WDR38: variants seen among roughly 807,000 people sequenced by gnomAD.
WDR38 encodes WD repeat domain 38.
In WDR38, 37 loss-of-function variants were observed where a neutral mutation model predicts 36.6. That is an observed-to-expected ratio of 1.01 (90% confidence interval 0.78 to 1.33). WDR38 has a LOEUF of 1.33. Among genes scored for constraint, WDR38 ranks in the 40% most tolerant of loss-of-function variants. The probability of loss-of-function intolerance (pLI) is 0.00; values close to 1 mark genes in which losing one functional copy is unlikely to be tolerated. For synonymous variants in WDR38, 164 were observed against 168.1 expected (o/e 0.98, Z 0.19); for missense variants, 411 against 414.6 (o/e 0.99, Z 0.07).
chr9:124,855,289 A>G (rs568355453), intron 2 of WDR38, among the ~76,000 whole-genome samples: 12 of 152,358 alleles, frequency 7.9e-5, no homozygotes, highest in African/African-American at 2.6e-4. Context: ...GAGACAAGAA[A>G]AAATATCAGG....
At chr9:124,856,181 G>A in intron 4 of WDR38, 59 bp from the exon 5 acceptor site, 1 of 1,608,444 alleles carries the variant, frequency 6.2e-7, no homozygotes, top group Non-Finnish European at 8.5e-7. Flanking sequence ...TTCCTGGACT[G>A]TCAAGGCCAG....
chr9:124,853,460 C>A lies in WDR38; in HGVS notation c.-72C>A. ...ACCGCCTGTACACAGTTTCCTCTTT[C>A]CTCTGCCCAGTCCTGGGGTCCCGCG... On this transcript the variant is annotated 5_prime_UTR_variant, in exon 1 of 9. Transcript: ENST00000373574. The A allele has an allele frequency of 2.0e-6, 2 of 1,018,832 alleles. No individual in the cohort carries two copies. The highest frequency in any genetic ancestry group is 5.2e-5 in the South Asian group (1 of 19,238). The allele number at this position is 1,018,832 out of a possible 1,614,324, so 63.1% of individuals were successfully genotyped here.
chr9:124,854,132 A>C (rs1361608023), intron 1 of WDR38, 73 bp from the exon 2 acceptor site: 4 of 1,593,538 alleles, frequency 2.5e-6, no homozygotes, highest in Non-Finnish European at 3.4e-6. Flanking sequence ...CTTGGGGGGC[A>C]GTGTTTAGGG....
At chr9:124,855,222 A>C (rs1381815050) in intron 2 of WDR38, among the ~76,000 whole-genome samples, 1 of 152,188 alleles carries the variant, frequency 6.6e-6, no homozygotes, top group African/African-American at 2.4e-5. Flanking sequence ...GATGCAAGCA[A>C]AGTACCTAGC....
At position 124,853,480 on chromosome 9, in the gene WDR38, C is replaced by T; in HGVS notation, c.-52C>T. 8.5e-7 allele frequency: 1 copy of T among 1,172,748 alleles called. No individual in the cohort carries two copies. Among genetic ancestry groups the T allele is most frequent in the Non-Finnish European group, 1.1e-6 (1 of 926,758 alleles). The allele number at this position is 1,172,748 out of a possible 1,614,324, so 72.6% of individuals were successfully genotyped here. A position where few individuals can be genotyped will look rare whatever the true frequency, so the allele number is the denominator to read the frequency against. On this transcript the variant is annotated 5_prime_UTR_variant, in exon 1 of 9. Transcript: ENST00000373574. ...TCTTTCCTCTGCCCAGTCCTGGGGT[C>T]CCGCGGCCGCCTAGGAGGGAGCCCG...
At chr9:124,856,038 G>C in intron 4 of WDR38, 80 bp downstream of exon 4, 2 of 1,580,714 alleles carry the variant, frequency 1.3e-6, no homozygotes, top group Non-Finnish European at 1.7e-6. Flanking sequence ...TGCCCTCCCA[G>C]CTCAAACCCT....
rs1334451118 is a variant in WDR38 at position 124,857,384 on chromosome 9, CACAGG to C, written c.791_795del (p.Thr264LysfsTer4). 1 of 1,614,082 alleles carries C rather than the reference CACAGG, an allele frequency of 6.2e-7. No individual in the cohort carries two copies. The highest frequency in any genetic ancestry group is 1.7e-5 in the Admixed American group (1 of 60,014). On this transcript the variant is annotated frameshift_variant, in exon 8 of 9. Coordinates refer to ENST00000373574, the MANE Select transcript of WDR38 (RefSeq NM_001045476.3). LOFTEE classifies it low-confidence loss of function (END_TRUNC). ...TCCAGGTCAAAGTCTGGGACTGCAA[CACAGG>C]AAAGTGCCTTGAGACCCTGAAGGTA...
Position 124,856,771 on chromosome 9 carries a change from C to A in WDR38, c.658C>A (p.Pro220Thr). 1 of 1,614,252 alleles carries A rather than the reference C, an allele frequency of 6.2e-7. No homozygotes were observed. ...SWDKTIHIWK[P>T]TTSSLLIQLK... ...GGACAAGACCATCCACATCTGGAAG[C>A]CCACAACCAGCAGCCTGCTTATCCA... The change falls in exon 7 of 9, where the codon CCC becomes ACC. Residue 220 changes from proline to threonine, a missense_variant. Coordinates refer to ENST00000373574, the MANE Select transcript of WDR38 (RefSeq NM_001045476.3).
In WDR38 at chr9:124,856,243, G is replaced by A. The variant is rs147162054; in HGVS notation, c.409G>A (p.Gly137Ser). 166 of 1,614,140 alleles carry A rather than the reference G, an allele frequency of 1.0e-4. 2 individuals carry two copies. In the East Asian group the frequency reaches 2.3e-3, roughly 23 times the overall value. Residue 137 changes from glycine to serine, a missense_variant, in exon 5 of 9, where the codon GGC (glycine) becomes AGC (serine). Physicochemically the swap from Gly to Ser is moderately conservative, Grantham distance 56. Transcript: ENST00000373574. Reference sequence around the variant, plus strand: ...TGCAGCTCAGGGCTCTCTCTAGTCCGGCCAGATGCTGCGCCTCTTAGTTGG... The same window carrying A: ...TGCAGCTCAGGGCTCTCTCTAGTCCAGCCAGATGCTGCGCCTCTTAGTTGG... ...KRVMLWDVQS[G>S]QMLRLLVGHR...
At chr9:124,853,775 CCCAGCT>C (rs1194627281) in intron 1 of WDR38, among the ~76,000 whole-genome samples, 175 bp downstream of exon 1, 1 of 152,166 alleles carries the variant, frequency 6.6e-6, no homozygotes, top group Non-Finnish European at 1.5e-5. Flanking sequence ...AGTGCCGGGC[CCCAGCT>C]CCAGAGCAGC....
rs79552133 is a variant in WDR38, at chr9:124,855,963, G to A, written c.405+5G>A. Reference sequence around the variant, plus strand: ...GTGATGCTCTGGGATGTGCAGGTACGTTGAGGGGCTGGGGCCACCAGTCTG... The same window carrying A: ...GTGATGCTCTGGGATGTGCAGGTACATTGAGGGGCTGGGGCCACCAGTCTG... On this transcript the variant is annotated splice_donor_5th_base_variant and intron_variant, in intron 4 of 8. Coordinates refer to ENST00000373574, the MANE Select transcript of WDR38 (RefSeq NM_001045476.3). 1.6e-3 allele frequency: 2,514 copies of A among 1,613,976 alleles called. 41 individuals carry two copies. The Admixed American group carries it at 0.021, about 14-fold the overall frequency.
chr9:124,854,050 G>A (rs1011129760), intron 1 of WDR38, among the ~76,000 whole-genome samples, 155 bp from the exon 2 acceptor site: 1 of 152,180 alleles, frequency 6.6e-6, no homozygotes, highest in Admixed American at 6.5e-5. Context: ...ACTCGAGAGA[G>A]GGCCCAGTGG....
chr9:124,856,626 G>A, intron 6 of WDR38, 26 bp downstream of exon 6: 1 of 1,613,112 alleles, frequency 6.2e-7, no homozygotes, highest in South Asian at 1.1e-5. Flanking sequence ...TGGGTTCCAG[G>A]CTGGTCCCTT....
intron 3 of WDR38, 49 bp downstream of exon 3, chr9:124,855,799 G>A: frequency 1.2e-6 from 2 of 1,613,498 alleles, no homozygotes; most frequent in South Asian, 1.1e-5. Flanking sequence ...CCTTTCAGAT[G>A]GTGCTGTGTC....
Position 124,857,792 on chromosome 9 carries a change from G to T in WDR38, c.*162G>T. 1 of 1,508,362 alleles carries T rather than the reference G, an allele frequency of 6.6e-7. No homozygotes were observed. The highest frequency in any genetic ancestry group is 9.0e-7 in the Non-Finnish European group (1 of 1,115,284). 93.4% of individuals were successfully genotyped at this position (1,508,362 alleles called of 1,614,324 possible). A position where few individuals can be genotyped will look rare whatever the true frequency, so the allele number is the denominator to read the frequency against. On this transcript the variant is annotated 3_prime_UTR_variant, in exon 9 of 9. Transcript: ENST00000373574. ...CAGAGCAGACAACTGTGGTGGGCAGGACGCTTGCTGGAACCCATCAGACAC... is the reference window on the plus strand; with the variant it reads ...CAGAGCAGACAACTGTGGTGGGCAGTACGCTTGCTGGAACCCATCAGACAC...
In WDR38 at chr9:124,853,612, C is replaced by T. The variant is rs375353259; in HGVS notation, c.69+12C>T. 7,150 of 1,270,064 alleles carry T rather than the reference C, an allele frequency of 5.6e-3. 35 individuals carry two copies. Among genetic ancestry groups the T allele is most frequent in the Non-Finnish European group, 6.7e-3 (6,653 of 1,000,304 alleles). 78.7% of individuals were successfully genotyped at this position (1,270,064 alleles called of 1,614,324 possible). ...AGCACGGCGGGGAGGTGAGGTCCAGCGGGCTCTGCCCAGACTCCCGGCTTT... is the reference window on the plus strand; with the variant it reads ...AGCACGGCGGGGAGGTGAGGTCCAGTGGGCTCTGCCCAGACTCCCGGCTTT... On this transcript the variant is annotated intron_variant, in intron 1 of 8. Coordinates refer to ENST00000373574, the MANE Select transcript of WDR38 (RefSeq NM_001045476.3).
In WDR38 at chr9:124,857,489, C is replaced by T; in HGVS notation, c.817-13C>T. 2 of 1,614,168 alleles carry T rather than the reference C, an allele frequency of 1.2e-6. No homozygotes were observed. The highest frequency in any genetic ancestry group is 1.3e-5 in the African/African-American group (1 of 75,036). Reference sequence around the variant, plus strand: ...CAGGACTTGCCTCGAGCCCCACCTTCTACTCTTAGCAGGGAGTCCTGGATG... The same window carrying T: ...CAGGACTTGCCTCGAGCCCCACCTTTTACTCTTAGCAGGGAGTCCTGGATG... On this transcript the variant is annotated splice_polypyrimidine_tract_variant and intron_variant, in intron 8 of 8. Coordinates refer to ENST00000373574, the MANE Select transcript of WDR38 (RefSeq NM_001045476.3).
intron 2 of WDR38, 132 bp downstream of exon 2, chr9:124,854,457 G>C (rs755363324): frequency 5.1e-5 from 71 of 1,396,426 alleles, no homozygotes; most frequent in Non-Finnish European, 6.7e-5. Flanking sequence ...GATGGGACGA[G>C]ATATCTGGGT....
chr9:124,857,006 C>G, intron 7 of WDR38, 125 bp downstream of exon 7: 1 of 1,395,450 alleles, frequency 7.2e-7, no homozygotes. Context: ...AGGGCAGGAC[C>G]TGGGTGCCAG....
Sources: gnomAD v4.1 joint callset for allele counts (sites outside exome capture counted in the v4.1 genomes callset) on GRCh38, gnomAD v4.1.1 for gene constraint, MANE v1.5 for transcripts, NCBI Gene and HGNC (gene_info 2026-07-23, HGNC 2026-07-21) for gene names.